The following RBFOX1 variants were observed in gnomAD, a reference collection of about 807,000 sequenced individuals.
The protein encoded by RBFOX1 is RNA binding protein fox-1 homolog 1.
RBFOX1 carries 8 observed loss-of-function variants against 57.7 expected under a neutral mutation model. The observed-to-expected ratio is 0.14, with a 90% CI of 0.08 to 0.25. The LOEUF is 0.25. Ranked by LOEUF, RBFOX1 falls within the 10% of genes least tolerant of loss-of-function variation. The pLI is 1.00. For synonymous variants in RBFOX1, 326 were observed against 222.4 expected (o/e 1.47, Z -4.15); for missense variants, 611 against 548.5 (o/e 1.11, Z -1.14).
At chr16:6,806,245 G>C (rs1741516380) in intron 3 of RBFOX1, among the ~76,000 whole-genome samples, 1 of 152,130 alleles carries the variant, frequency 6.6e-6, no homozygotes, top group African/African-American at 2.4e-5. Context: ...ATTTGTTTTA[G>C]AGATTTTTAT....
intron 5 of RBFOX1, among the ~76,000 whole-genome samples, chr16:7,527,574 G>C (rs1695092002): frequency 6.6e-6 from 1 of 152,152 alleles, no homozygotes; most frequent in Admixed American, 6.6e-5. Flanking sequence ...GGGAGAAGCA[G>C]AGTAGAATCT....
intron 1 of RBFOX1, among the ~76,000 whole-genome samples, chr16:5,391,890 TACACACAC>T (rs746461930): frequency 6.8e-6 from 1 of 147,186 alleles, no homozygotes; most frequent in African/African-American, 2.5e-5. Context: ...TGTGTGTGTA[TACACACAC>T]ACACACACAC....
chr16:5,351,935 C>G (rs1289355078), intron 1 of RBFOX1, among the ~76,000 whole-genome samples: 1 of 152,114 alleles, frequency 6.6e-6, no homozygotes, highest in Non-Finnish European at 1.5e-5. Context: ...TTCCGAGTAG[C>G]TGGGATTACA....
intron 2 of RBFOX1, among the ~76,000 whole-genome samples, chr16:6,388,739 C>T (rs1362150501): frequency 1.3e-5 from 2 of 151,856 alleles, no homozygotes; most frequent in East Asian, 1.9e-4. Context: ...GATGCTGTTT[C>T]AAAAACAAAA....
intron 3 of RBFOX1, among the ~76,000 whole-genome samples, chr16:5,717,128 G>A (rs1021885497): frequency 1.3e-5 from 2 of 152,132 alleles, no homozygotes; most frequent in East Asian, 1.9e-4. Flanking sequence ...CTGGTAGAAA[G>A]AGCTTAATTT....
chr16:5,719,274 T>A (rs2051838655), intron 3 of RBFOX1, among the ~76,000 whole-genome samples: 1 of 148,860 alleles, frequency 6.7e-6, no homozygotes, highest in East Asian at 2.0e-4. Context: ...CGATCTCGGC[T>A]CACTGCAAGC....
Position 6,915,215 on chromosome 16 carries a change from C to T in RBFOX1, c.-15-136842C>T, listed in dbSNP as rs572250262. Among the ~76,000 whole-genome samples the T allele has an allele frequency of 2.4e-4, 37 of 152,282 alleles. 1 individual carries two copies. Among genetic ancestry groups the T allele is most frequent in the African/African-American group, 8.7e-4 (36 of 41,574 alleles). On this transcript the variant is annotated intron_variant, in intron 3 of 15. Transcript: ENST00000550418. ...GCTCCCGGAGACCCACTCCCTTGTT[C>T]TCCTAGCAGCTGGATGAAGCCTGTG...
Position 6,214,546 on chromosome 16 carries a change from CAG to C in RBFOX1, c.-126-102448_-126-102447del, listed in dbSNP as rs144200208. Among the ~76,000 whole-genome samples, 87 of 38,492 alleles carry C rather than the reference CAG, an allele frequency of 2.3e-3. 1 individual carries two copies. Among genetic ancestry groups the C allele is most frequent in the African/African-American group, 8.2e-3 (74 of 9,044 alleles). 25.3% of individuals were successfully genotyped at this position (38,492 alleles called of 152,430 possible). On this transcript the variant is annotated intron_variant, in intron 1 of 15. Coordinates refer to ENST00000550418, the MANE Select transcript of RBFOX1 (RefSeq NM_018723.4). ...AGAGAGGGAGATGGGGAGAAGGAGA[CAG>C]GGAGAGGGGGAGAGGGAGGGGGGAG...
intron 3 of RBFOX1, among the ~76,000 whole-genome samples, chr16:6,975,028 T>C (rs2153576771): frequency 6.6e-6 from 1 of 152,278 alleles, no homozygotes; most frequent in South Asian, 2.1e-4. Context: ...CACATGGTAG[T>C]ACTTTTTCTT....
chr16:6,591,835 T>A (rs549177118), intron 2 of RBFOX1, among the ~76,000 whole-genome samples: 1 of 152,230 alleles, frequency 6.6e-6, no homozygotes, highest in Admixed American at 6.5e-5. Context: ...GATTAACGTC[T>A]TTTACATGAA....
At chr16:6,990,435 G>T (rs2091234838) in intron 3 of RBFOX1, among the ~76,000 whole-genome samples, 1 of 152,112 alleles carries the variant, frequency 6.6e-6, no homozygotes. Flanking sequence ...GGAGGCAGGA[G>T]AATCGCTTGA....
intron 2 of RBFOX1, among the ~76,000 whole-genome samples, chr16:6,624,838 C>T (rs2098280958): frequency 6.6e-6 from 1 of 152,144 alleles, no homozygotes; most frequent in African/African-American, 2.4e-5. Context: ...GTATAACCCC[C>T]CATGTAAGAC....
At chr16:6,115,527 T>A (rs1262180037) in intron 1 of RBFOX1, among the ~76,000 whole-genome samples, 2 of 152,274 alleles carry the variant, frequency 1.3e-5, no homozygotes, top group East Asian at 3.9e-4. Context: ...GATCTGTACT[T>A]GTCTGCATAA....
At chr16:6,976,372 A>G (rs2086851468) in intron 3 of RBFOX1, among the ~76,000 whole-genome samples, 1 of 152,182 alleles carries the variant, frequency 6.6e-6, no homozygotes. Context: ...ATCCATGAAT[A>G]CATGAAGCAA....
Position 5,691,564 on chromosome 16 carries a change from GA to G in RBFOX1, c.318+92605del, listed in dbSNP as rs138450156. Among the ~76,000 whole-genome samples, 812 of 152,250 alleles carry G rather than the reference GA, an allele frequency of 5.3e-3. 7 individuals are homozygous for G. The highest frequency in any genetic ancestry group is 0.019 in the African/African-American group (776 of 41,544). On this transcript the variant is annotated intron_variant, in intron 3 of 19. Transcript: ENST00000641259. ...CTAGGACTAGAAGTTTTCAGATTTTGAATTTTTTCAAATTTTGGAATATTTT... is the reference window on the plus strand; with the variant it reads ...CTAGGACTAGAAGTTTTCAGATTTTGATTTTTTCAAATTTTGGAATATTTT...
chr16:6,565,885 C>T (rs994467385), intron 2 of RBFOX1, among the ~76,000 whole-genome samples: 3 of 152,198 alleles, frequency 2.0e-5, no homozygotes, highest in African/African-American at 7.2e-5. Context: ...TAACACATAA[C>T]CCCCAATATC....
At chr16:5,990,715 C>CA (rs1567228310) in intron 4 of RBFOX1, among the ~76,000 whole-genome samples, 2 of 149,246 alleles carry the variant, frequency 1.3e-5, no homozygotes, top group Non-Finnish European at 1.5e-5. Flanking sequence ...CGCCTGTAAT[C>CA]GCAACACTTC....
intron 4 of RBFOX1, among the ~76,000 whole-genome samples, chr16:5,986,843 G>A (rs2060296046): frequency 6.6e-6 from 1 of 152,202 alleles, no homozygotes; most frequent in Non-Finnish European, 1.5e-5. Context: ...TTGGTGTACA[G>A]GGTGTTGTGT....
At chr16:6,121,580 C>T (rs1208119764) in intron 1 of RBFOX1, among the ~76,000 whole-genome samples, 9 of 152,180 alleles carry the variant, frequency 5.9e-5, no homozygotes, top group Non-Finnish European at 1.0e-4. Context: ...GTACACTGTG[C>T]CTGCCTTGTC....
Sources: allele counts gnomAD v4.1 joint callset (sites outside exome capture counted in the v4.1 genomes callset), GRCh38; gene constraint gnomAD v4.1.1; transcripts MANE v1.5; gene names NCBI Gene and HGNC (gene_info 2026-07-23, HGNC 2026-07-21).